STK3: variants seen among roughly 807,000 people sequenced by gnomAD.
The protein encoded by STK3 is serine/threonine kinase 3, also known as serine/threonine-protein kinase 3.
In STK3, 41 loss-of-function variants were observed where a neutral mutation model predicts 58.0. The observed-to-expected ratio is 0.71, with a 90% CI of 0.55 to 0.92. The LOEUF is 0.92. Among genes scored for constraint, STK3 ranks in the 40% least tolerant of loss-of-function variants. The probability of loss-of-function intolerance (pLI) is 0.00; values close to 1 mark genes in which losing one functional copy is unlikely to be tolerated. For synonymous variants in STK3, 170 were observed against 191.0 expected, an observed-to-expected ratio of 0.89 and a Z score of 0.91; for missense variants, 479 against 602.7, an observed-to-expected ratio of 0.79 and a Z score of 2.15.
intron 6 of STK3, among the ~76,000 whole-genome samples, chr8:98,596,735 C>T (rs922985065): frequency 6.6e-6 from 1 of 151,618 alleles, no homozygotes; most frequent in African/African-American, 2.4e-5. Flanking sequence ...TGATTGAGTA[C>T]TTATAATTTA....
intron 1 of STK3, among the ~76,000 whole-genome samples, chr8:98,783,289 G>A (rs554546195): frequency 9.0e-4 from 137 of 152,146 alleles, no homozygotes; most frequent in African/African-American, 3.0e-3. Flanking sequence ...AAAAAACAAC[G>A]TACATACCTT....
At chr8:98,524,745 A>C (rs1825623623) in intron 10 of STK3, among the ~76,000 whole-genome samples, 1 of 152,252 alleles carries the variant, frequency 6.6e-6, no homozygotes, top group African/African-American at 2.4e-5. Context: ...GCCAATAGTT[A>C]GCACAATTGC....
chr8:98,826,738 A>G (rs1835326136), upstream of STK3, among the ~76,000 whole-genome samples: 3 of 150,112 alleles, frequency 2.0e-5, no homozygotes, highest in African/African-American at 7.4e-5. Flanking sequence ...GAAATTGTCA[A>G]GATGGGCCGG....
At chr8:98,939,806 T>C (rs1840337651) in intron 1 of STK3, among the ~76,000 whole-genome samples, 1 of 152,252 alleles carries the variant, frequency 6.6e-6, no homozygotes, top group Non-Finnish European at 1.5e-5. Flanking sequence ...CTACCCACGT[T>C]GAGCACGACA....
intron 3 of STK3, among the ~76,000 whole-genome samples, chr8:98,834,278 A>C (rs575640108): frequency 4.6e-5 from 7 of 152,330 alleles, no homozygotes; most frequent in South Asian, 2.1e-4. Context: ...ACTGCTGCTA[A>C]CTGGAGTGCA....
At chr8:98,622,940 G>A (rs546626150) in intron 6 of STK3, among the ~76,000 whole-genome samples, 212 of 152,154 alleles carry the variant, frequency 1.4e-3, no homozygotes, top group Non-Finnish European at 2.3e-3. Context: ...AGAACACAAC[G>A]GTAGTAGTAA....
At chr8:98,631,721 G>A (rs1052619138) in intron 6 of STK3, among the ~76,000 whole-genome samples, 2 of 152,170 alleles carry the variant, frequency 1.3e-5, no homozygotes, top group Non-Finnish European at 2.9e-5. Context: ...CTAGAGGGCA[G>A]TGGCACGACC....
chr8:98,851,185 G>A lies in STK3; in HGVS notation c.110+32462C>T, dbSNP rs560461771. Among the ~76,000 whole-genome samples, 4 of 152,286 alleles carry A rather than the reference G, an allele frequency of 2.6e-5. No individual in the cohort carries two copies. In the South Asian group the frequency reaches 6.2e-4, roughly 24 times the overall value. ...CCCCCAACCATCAGCACTGACTTAA[G>A]TATAATTTCCATGAGGACAGGGAGT... On this transcript the variant is annotated intron_variant, in intron 3 of 12. Transcript: ENST00000523601.
rs191793720 is a variant in STK3, at chr8:98,714,796, T to C, written c.352-7485A>G. Among the ~76,000 whole-genome samples, 1,034 of 152,296 alleles carry C rather than the reference T, an allele frequency of 6.8e-3. 8 individuals carry two copies. The highest frequency in any genetic ancestry group is 0.023 in the African/African-American group (969 of 41,574). On this transcript the variant is annotated intron_variant, in intron 4 of 10. Coordinates refer to ENST00000419617, the MANE Select transcript of STK3 (RefSeq NM_006281.4). ...GGAAAAAACTATTTTAAAGTTCATA[T>C]GGAACCCAAAAAGAGCCCGCACTGC...
intron 1 of STK3, among the ~76,000 whole-genome samples, chr8:98,912,265 G>A (rs1177661351): frequency 6.6e-6 from 1 of 152,130 alleles, no homozygotes; most frequent in East Asian, 1.9e-4. Flanking sequence ...TGTAATCCTA[G>A]CTACTTGGAG....
At chr8:98,697,101 G>A (rs1456444555) in intron 6 of STK3, among the ~76,000 whole-genome samples, 3 of 152,048 alleles carry the variant, frequency 2.0e-5, no homozygotes, top group African/African-American at 2.4e-5. Context: ...TGTATGTGTC[G>A]AGGAATTTAT....
upstream of STK3, among the ~76,000 whole-genome samples, chr8:98,828,321 G>C (rs1835390652): frequency 6.6e-6 from 1 of 151,562 alleles, no homozygotes; most frequent in South Asian, 2.1e-4. Flanking sequence ...CTTGAGGAAG[G>C]CTGGGCGAGG....
intron 7 of STK3, among the ~76,000 whole-genome samples, chr8:98,581,190 G>T (rs1586916718): frequency 1.3e-5 from 2 of 152,166 alleles, no homozygotes; most frequent in Non-Finnish European, 2.9e-5. Context: ...GCTATGGAGG[G>T]CTCCTTGTTA....
intron 8 of STK3, among the ~76,000 whole-genome samples, chr8:98,572,895 A>G (rs990253936): frequency 6.6e-6 from 1 of 152,212 alleles, no homozygotes; most frequent in African/African-American, 2.4e-5. Flanking sequence ...ACCCAGAAAC[A>G]CTAAGCTTTG....
At chr8:98,666,819 A>G (rs954168114) in intron 6 of STK3, among the ~76,000 whole-genome samples, 1 of 152,202 alleles carries the variant, frequency 6.6e-6, no homozygotes, top group South Asian at 2.1e-4. Flanking sequence ...GACATTTTAC[A>G]ATGTCCCAAA....
chr8:98,366,538 G>C (rs984597456), downstream of STK3, among the ~76,000 whole-genome samples: 3 of 152,194 alleles, frequency 2.0e-5, no homozygotes, highest in Admixed American at 2.0e-4. Flanking sequence ...GTGTGAGGTA[G>C]GGATCTAATG....
At chr8:98,437,722 G>C (rs976188546) in intron 1 of STK3, 2 of 152,160 alleles carry the variant, frequency 1.3e-5, no homozygotes, top group African/African-American at 4.8e-5. Flanking sequence ...AAACTTTGTA[G>C]GTCTGCCCAG....
downstream of STK3, among the ~76,000 whole-genome samples, chr8:98,399,227 G>T (rs1259585089): frequency 6.6e-6 from 1 of 152,148 alleles, no homozygotes; most frequent in Non-Finnish European, 1.5e-5. Context: ...CTGAAGTTTG[G>T]CATAACTCAA....
In STK3 at chr8:98,775,388, T is replaced by C. The variant is rs554906202; in HGVS notation, c.27-569A>G. 8.5e-5 allele frequency among the ~76,000 whole-genome samples: 13 copies of C among 152,232 alleles called. 1 individual carries two copies. The highest frequency in any genetic ancestry group is 2.4e-4 in the African/African-American group (10 of 41,542). On this transcript the variant is annotated intron_variant, in intron 1 of 10. Coordinates refer to ENST00000419617, the MANE Select transcript of STK3 (RefSeq NM_006281.4). ...AGCTCTGACATATCTTTTCCATGCA[T>C]GCACAGATTCTCCCACCCAAGCACA...
Sources: gnomAD v4.1 joint callset for allele counts (sites outside exome capture counted in the v4.1 genomes callset) on GRCh38, gnomAD v4.1.1 for gene constraint, MANE v1.5 for transcripts, NCBI Gene and HGNC (gene_info 2026-07-23, HGNC 2026-07-21) for gene names.